Variants in GLO1 observed in about 807,000 individuals in gnomAD.
GLO1 encodes the protein glyoxalase I.
A neutral mutation model predicts 26.0 loss-of-function variants in GLO1; 28 were observed. That is an observed-to-expected ratio of 1.08 (90% CI 0.80 to 1.48). GLO1 has a LOEUF of 1.48. Ranked by LOEUF, GLO1 falls within the 40% of genes most tolerant of loss-of-function variation. The pLI, the probability that GLO1 is intolerant of heterozygous loss-of-function variation, is 0.00. For synonymous variants in GLO1, 78 were observed against 77.6 expected (o/e 1.00, Z -0.03); for missense variants, 225 against 224.8 (o/e 1.00, Z -0.01).
chr6:38,678,214 G>C (rs1251607921), intron 5 of GLO1, among the ~76,000 whole-genome samples: 1 of 152,042 alleles, frequency 6.6e-6, no homozygotes, highest in African/African-American at 2.4e-5. Flanking sequence ...AAATTTATTT[G>C]GGGACCATTA....
intron 2 of GLO1, among the ~76,000 whole-genome samples, chr6:38,685,195 A>C (rs1245328498): frequency 6.6e-6 from 1 of 152,186 alleles, no homozygotes; most frequent in African/African-American, 2.4e-5. Flanking sequence ...TGAGCAGGTA[A>C]AACAGTAGCA....
chr6:38,678,155 A>T lies in GLO1; in HGVS notation c.467-772T>A, dbSNP rs368710499. On this transcript the variant is annotated intron_variant, in intron 5 of 5. Coordinates refer to ENST00000373365, the MANE Select transcript of GLO1 (RefSeq NM_006708.3). ...CCAGGAATTCAAAACTGAGATTGAG[A>T]GTCTAGTATGTCAGAGCTGTTTGCT... 1.2e-4 allele frequency among the ~76,000 whole-genome samples: 19 copies of T among 152,278 alleles called. No homozygotes were observed. The East Asian group carries it at 3.5e-3, about 28-fold the overall frequency.
intron 1 of GLO1, among the ~76,000 whole-genome samples, chr6:38,693,705 ATTTGTTTTGT>A (rs1358762584): frequency 1.5e-5 from 2 of 134,258 alleles, no homozygotes; most frequent in African/African-American, 3.1e-5. Context: ...ATATATATAT[ATTTGTTTTGT>A]TTTGTTTTGT....
Position 38,703,122 on chromosome 6 carries a change from C to A in GLO1, c.-68G>T. 1.1e-6 allele frequency: 1 copy of A among 904,494 alleles called. No homozygotes were observed. The highest frequency in any genetic ancestry group is 1.7e-6 in the Non-Finnish European group (1 of 578,122). 56.0% of individuals were successfully genotyped at this position (904,494 alleles called of 1,614,324 possible). A position where few individuals can be genotyped will look rare whatever the true frequency, so the allele number is the denominator to read the frequency against. ...AGGAGTCACCCACACTACGCCTCGG[C>A]CCTGTGCCGCCTTAACTAGGAATGG... is the stretch of plus-strand genomic sequence containing the variant. On this transcript the variant is annotated 5_prime_UTR_variant, in exon 1 of 6. Coordinates refer to ENST00000373365, the MANE Select transcript of GLO1 (RefSeq NM_006708.3).
In GLO1 at chr6:38,684,442, G is replaced by GT. The variant is rs1454696586; in HGVS notation, c.239dup (p.Asp80GlufsTer4). The stretch of plus-strand genomic sequence containing the variant: ...TTTTTTCATCTTTTTCTTTAGGGAT[G>GT]TCATTTTTATCCTCATAAGCCAAGA... On this transcript the variant is annotated frameshift_variant, in exon 3 of 6. Transcript: ENST00000373365. LOFTEE classifies it high-confidence loss of function. 1 of 1,576,330 alleles carries GT rather than the reference G, an allele frequency of 6.3e-7. No individual in the cohort carries two copies. Among genetic ancestry groups the GT allele is most frequent in the Non-Finnish European group, 8.6e-7 (1 of 1,158,792 alleles).
intron 5 of GLO1, 34 bp from the exon 6 acceptor site, chr6:38,677,417 T>C (rs1277735155): frequency 1.1e-6 from 1 of 922,310 alleles, no homozygotes; most frequent in East Asian, 2.4e-5. Flanking sequence ...TTGAAAAGAC[T>C]AAAAAAGAAA....
chr6:38,701,582 T>A (rs1428953667), intron 1 of GLO1, among the ~76,000 whole-genome samples: 1 of 152,204 alleles, frequency 6.6e-6, no homozygotes, highest in Admixed American at 6.5e-5. Context: ...TTACATTATA[T>A]GAAAAAACCA....
intron 1 of GLO1, among the ~76,000 whole-genome samples, chr6:38,697,015 C>T (rs1761621637): frequency 6.6e-6 from 1 of 151,616 alleles, no homozygotes; most frequent in South Asian, 2.1e-4. Context: ...GCCTCCCAGG[C>T]TATTCTCCTG....
intron 3 of GLO1, among the ~76,000 whole-genome samples, chr6:38,683,689 C>A (rs762388716): frequency 6.6e-6 from 1 of 151,838 alleles, no homozygotes; most frequent in African/African-American, 2.4e-5. Flanking sequence ...AGATCGAGAC[C>A]ATCCTGGCTA....
intron 5 of GLO1, among the ~76,000 whole-genome samples, chr6:38,681,527 A>G (rs1008895241): frequency 6.6e-6 from 1 of 152,226 alleles, no homozygotes; most frequent in Non-Finnish European, 1.5e-5. Flanking sequence ...TAAACCCAGC[A>G]AAATCCATAC....
chr6:38,697,515 A>G (rs948621014), intron 1 of GLO1, among the ~76,000 whole-genome samples: 4 of 152,188 alleles, frequency 2.6e-5, no homozygotes, highest in African/African-American at 7.2e-5. Context: ...AATTTCCACA[A>G]GGGACAGTTA....
intron 1 of GLO1, among the ~76,000 whole-genome samples, chr6:38,697,810 T>C (rs1300178659): frequency 6.6e-6 from 1 of 152,230 alleles, no homozygotes; most frequent in African/African-American, 2.4e-5. Flanking sequence ...TTCAACTGCC[T>C]TCAGTGTATC....
intron 1 of GLO1, among the ~76,000 whole-genome samples, chr6:38,693,825 T>C (rs1009190629): frequency 1.2e-4 from 18 of 151,526 alleles, no homozygotes; most frequent in Non-Finnish European, 2.4e-4. Flanking sequence ...ATTCTCCTGC[T>C]TCAGCCTCCC....
At chr6:38,685,603 C>T (rs1452897170) in intron 2 of GLO1, among the ~76,000 whole-genome samples, 1 of 152,088 alleles carries the variant, frequency 6.6e-6, no homozygotes, top group East Asian at 1.9e-4. Flanking sequence ...CACTTAGATC[C>T]TTGCATTGAC....
chr6:38,700,156 C>A (rs1314969884), intron 1 of GLO1, among the ~76,000 whole-genome samples: 1 of 152,182 alleles, frequency 6.6e-6, no homozygotes. Context: ...TCTCAGCTGG[C>A]CAATACTTAT....
intron 1 of GLO1, among the ~76,000 whole-genome samples, chr6:38,694,436 T>G (rs1295550062): frequency 6.6e-6 from 1 of 152,158 alleles, no homozygotes; most frequent in Admixed American, 6.5e-5. Flanking sequence ...CCCAGCACTT[T>G]GGGAGGCCGA....
intron 1 of GLO1, among the ~76,000 whole-genome samples, chr6:38,695,610 A>G (rs1396878264): frequency 6.6e-6 from 1 of 151,820 alleles, no homozygotes; most frequent in Admixed American, 6.6e-5. Context: ...CTGGCTCCCT[A>G]CCCAGCCTTC....
chr6:38,680,110 A>G (rs1761348707), intron 5 of GLO1, among the ~76,000 whole-genome samples: 1 of 152,258 alleles, frequency 6.6e-6, no homozygotes, highest in Non-Finnish European at 1.5e-5. Flanking sequence ...GCAAAAAGAA[A>G]ATAGAAGAGT....
chr6:38,688,915 G>T (rs917157200), intron 1 of GLO1, among the ~76,000 whole-genome samples: 3 of 152,080 alleles, frequency 2.0e-5, no homozygotes, highest in Non-Finnish European at 4.4e-5. Context: ...CTTAAAAGCA[G>T]GAGAGAGAGA....
Sources: gnomAD v4.1 joint callset for allele counts (sites outside exome capture counted in the v4.1 genomes callset) on GRCh38, gnomAD v4.1.1 for gene constraint, MANE v1.5 for transcripts, NCBI Gene and HGNC (gene_info 2026-07-23, HGNC 2026-07-21) for gene names.